Variants in MAP7 observed in about 807,000 individuals in gnomAD.
The protein encoded by MAP7 is ensconsin.
MAP7 carries 52 observed loss-of-function variants against 94.8 expected under a neutral mutation model. The ratio of observed to expected loss-of-function variants is 0.55; its 90% CI spans 0.44 to 0.69. The LOEUF (loss-of-function observed/expected upper bound fraction) is 0.69. Ranked by LOEUF, MAP7 falls within the 30% of genes least tolerant of loss-of-function variation. The pLI, the probability that MAP7 is intolerant of heterozygous loss-of-function variation, is 0.00. For missense variants in MAP7, 940 were observed against 964.6 expected, an observed-to-expected ratio of 0.97 and a Z score of 0.34; for synonymous variants, 350 against 357.0, an observed-to-expected ratio of 0.98 and a Z score of 0.22.
chr6:136,483,005 G>A (rs1813396176), intron 1 of MAP7, among the ~76,000 whole-genome samples: 1 of 151,624 alleles, frequency 6.6e-6, no homozygotes, highest in South Asian at 2.1e-4. Flanking sequence ...CCTATTGATT[G>A]AATTCTTTGT....
chr6:136,518,482 C>T (rs954351657), intron 1 of MAP7, among the ~76,000 whole-genome samples: 3 of 152,164 alleles, frequency 2.0e-5, no homozygotes, highest in African/African-American at 7.2e-5. Context: ...CACTTTGGGC[C>T]TCGGCATCTG....
chr6:136,405,226 C>T (rs192494616), intron 3 of MAP7, among the ~76,000 whole-genome samples: 22 of 152,306 alleles, frequency 1.4e-4, no homozygotes, highest in East Asian at 1.2e-3. Flanking sequence ...ACATAAATCC[C>T]TTCCCTTCCA....
intron 1 of MAP7, among the ~76,000 whole-genome samples, chr6:136,485,478 T>G (rs961850943): frequency 2.0e-5 from 3 of 151,070 alleles, no homozygotes; most frequent in Non-Finnish European, 4.4e-5. Context: ...TTAGGGGAAA[T>G]CAAATTTAGA....
intron 7 of MAP7, among the ~76,000 whole-genome samples, 162 bp downstream of exon 7, chr6:136,377,593 C>T (rs567679732): frequency 6.6e-6 from 1 of 152,276 alleles, no homozygotes; most frequent in African/African-American, 2.4e-5. Context: ...AAGGCAGATG[C>T]CCAGAGGAAA....
intron 1 of MAP7, among the ~76,000 whole-genome samples, chr6:136,440,781 A>G (rs1428545463): frequency 1.3e-5 from 2 of 151,568 alleles, no homozygotes; most frequent in African/African-American, 4.8e-5. Flanking sequence ...AGAGCCCAGT[A>G]TTAGGATGAA....
At position 136,496,279 on chromosome 6, in the gene MAP7, G is replaced by A. The variant is rs150114174; in HGVS notation, c.67+54063C>T. On this transcript the variant is annotated intron_variant, in intron 1 of 17. Transcript: ENST00000354570. ...CTAATTACCTGTGGTTGGAAAAGAA[G>A]AGAAGCCTTAGTTGTCACAAAAGGA... 3.1e-3 allele frequency among the ~76,000 whole-genome samples: 478 copies of A among 152,308 alleles called. 2 individuals carry two copies. The highest frequency in any genetic ancestry group is 0.011 in the African/African-American group (440 of 41,572).
intron 1 of MAP7, among the ~76,000 whole-genome samples, chr6:136,543,253 C>T (rs1829467721): frequency 6.6e-6 from 1 of 152,198 alleles, no homozygotes; most frequent in South Asian, 2.1e-4. Flanking sequence ...CAATGGCAAA[C>T]TACTTCATCA....
rs373164215 is a variant in MAP7, at chr6:136,428,523, G to GAATA, written c.68-6728_68-6725dup. Among the ~76,000 whole-genome samples, 616 of 151,606 alleles carry GAATA rather than the reference G, an allele frequency of 4.1e-3. 2 individuals carry two copies. Among genetic ancestry groups the GAATA allele is most frequent in the African/African-American group, 7.8e-3 (324 of 41,324 alleles). On this transcript the variant is annotated intron_variant, in intron 1 of 17. Coordinates refer to ENST00000354570, the MANE Select transcript of MAP7 (RefSeq NM_003980.6). ...TGACAGAGCAAGACTCTGTCTCAAA[G>GAATA]AATAAATAAATAAATAAATAAATAA...
intron 1 of MAP7, among the ~76,000 whole-genome samples, chr6:136,524,405 C>A (rs1242800085): frequency 6.6e-6 from 1 of 152,218 alleles, no homozygotes; most frequent in Non-Finnish European, 1.5e-5. Context: ...AAGTTACCAA[C>A]TTTTCAGAGG....
At chr6:136,520,221 G>T (rs2129046188) in intron 1 of MAP7, among the ~76,000 whole-genome samples, 1 of 151,514 alleles carries the variant, frequency 6.6e-6, no homozygotes, top group Middle Eastern at 3.4e-3. Flanking sequence ...AAAAAAGGGG[G>T]GAGGAGCAGG....
At chr6:136,420,059 G>A (rs1414844763) in intron 2 of MAP7, 24 of 841,006 alleles carry the variant, frequency 2.9e-5, no homozygotes, top group African/African-American at 1.6e-5. Context: ...TTCTGAGCTC[G>A]ATTAATTACA....
At chr6:136,465,707 C>G (rs75516386) in intron 1 of MAP7, among the ~76,000 whole-genome samples, 2,429 of 152,182 alleles carry the variant, frequency 0.016, 87 homozygotes, top group East Asian at 0.14. Flanking sequence ...AAATTCAGAT[C>G]CAACCCCAAA....
intron 3 of MAP7, among the ~76,000 whole-genome samples, chr6:136,392,323 C>T (rs1389345731): frequency 6.6e-6 from 1 of 151,554 alleles, no homozygotes; most frequent in African/African-American, 2.4e-5. Flanking sequence ...AAGGGATCCA[C>T]CTGTCTTGGC....
intron 2 of MAP7, among the ~76,000 whole-genome samples, chr6:136,412,376 T>A (rs1485940100): frequency 6.6e-6 from 1 of 152,054 alleles, no homozygotes; most frequent in East Asian, 1.9e-4. Context: ...TGAGATTTCA[T>A]GGGATTTACA....
intron 16 of MAP7, among the ~76,000 whole-genome samples, chr6:136,351,648 C>G (rs1204244510): frequency 6.6e-6 from 1 of 152,116 alleles, no homozygotes; most frequent in Non-Finnish European, 1.5e-5. Context: ...TGAAGAATCT[C>G]TGAAGAAATA....
chr6:136,548,847 T>G (rs1318733281), intron 1 of MAP7, among the ~76,000 whole-genome samples: 1 of 152,238 alleles, frequency 6.6e-6, no homozygotes, highest in Non-Finnish European at 1.5e-5. Flanking sequence ...ATGCCGTATA[T>G]TTACAAATGA....
At chr6:136,347,582 T>C (rs1167089159) in intron 16 of MAP7, among the ~76,000 whole-genome samples, 1 of 152,030 alleles carries the variant, frequency 6.6e-6, no homozygotes, top group African/African-American at 2.4e-5. Context: ...ATTTTTGTAT[T>C]TTTAGTAGAG....
chr6:136,456,673 A>AAAAGAAG (rs139048436), intron 1 of MAP7, among the ~76,000 whole-genome samples: 3 of 139,390 alleles, frequency 2.2e-5, no homozygotes, highest in Non-Finnish European at 3.0e-5. Flanking sequence ...CCCTGTCTCA[A>AAAAGAAG]AAAGAAGAAA....
chr6:136,400,952 T>C (rs1489926102), intron 3 of MAP7, among the ~76,000 whole-genome samples: 1 of 152,198 alleles, frequency 6.6e-6, no homozygotes, highest in East Asian at 1.9e-4. Flanking sequence ...GACCAAATGG[T>C]CTATAAAGTT....
Sources: gnomAD v4.1 joint callset for allele counts (sites outside exome capture counted in the v4.1 genomes callset) on GRCh38, gnomAD v4.1.1 for gene constraint, MANE v1.5 for transcripts, NCBI Gene and HGNC (gene_info 2026-07-23, HGNC 2026-07-21) for gene names.